Variants in CTNNA3 observed in about 807,000 individuals in gnomAD.
CTNNA3 encodes the protein catenin alpha-3.
A neutral mutation model predicts 95.7 loss-of-function variants in CTNNA3; 76 were observed. That is an observed-to-expected ratio of 0.79 (90% confidence interval 0.66 to 0.96). The LOEUF (loss-of-function observed/expected upper bound fraction) is 0.96, where lower values mean the gene tolerates loss of function less well. Among genes scored for constraint, CTNNA3 ranks in the 40% least tolerant of loss-of-function variants. CTNNA3 has a pLI of 0.00. For synonymous variants in CTNNA3, 431 were observed against 374.4 expected (o/e 1.15, Z -1.74); for missense variants, 1,191 against 1,089.8 (o/e 1.09, Z -1.31).
intron 5 of CTNNA3, among the ~76,000 whole-genome samples, chr10:67,430,535 A>AT (rs999602869): frequency 2.6e-5 from 4 of 151,350 alleles, no homozygotes; most frequent in Non-Finnish European, 3.0e-5. Flanking sequence ...AGTACCCAGA[A>AT]TTTTTTTTTA....
intron 17 of CTNNA3, among the ~76,000 whole-genome samples, chr10:65,923,201 T>A (rs992513178): frequency 6.6e-6 from 1 of 152,228 alleles, no homozygotes; most frequent in South Asian, 2.1e-4. Context: ...AAAGGGCATA[T>A]GTATATGTAA....
intron 12 of CTNNA3, among the ~76,000 whole-genome samples, chr10:66,323,036 A>G (rs932422903): frequency 6.6e-6 from 1 of 151,906 alleles, no homozygotes; most frequent in African/African-American, 2.4e-5. Flanking sequence ...AACAAACAAA[A>G]GTCAGGACTT....
chr10:67,523,901 A>G (rs1276414794), intron 4 of CTNNA3, among the ~76,000 whole-genome samples: 1 of 152,188 alleles, frequency 6.6e-6, no homozygotes, highest in Non-Finnish European at 1.5e-5. Flanking sequence ...TAAGATTCTA[A>G]AAAATTTAAG....
chr10:67,235,897 A>C (rs1321190350), intron 5 of CTNNA3, among the ~76,000 whole-genome samples: 1 of 143,998 alleles, frequency 6.9e-6, no homozygotes, highest in African/African-American at 2.7e-5. Flanking sequence ...GCAGCCAAAA[A>C]ACACATGAAA....
chr10:67,011,672 T>A (rs1852350492), intron 7 of CTNNA3, among the ~76,000 whole-genome samples: 1 of 152,208 alleles, frequency 6.6e-6, no homozygotes, highest in Admixed American at 6.5e-5. Flanking sequence ...ATGATGACGA[T>A]AGCAAATATA....
intron 6 of CTNNA3, among the ~76,000 whole-genome samples, chr10:67,207,968 G>C (rs1337078593): frequency 6.6e-6 from 1 of 152,124 alleles, no homozygotes; most frequent in East Asian, 1.9e-4. Context: ...CCAAACATTT[G>C]AGAAACATCA....
intron 5 of CTNNA3, among the ~76,000 whole-genome samples, chr10:67,414,490 A>G (rs932360862): frequency 1.3e-5 from 2 of 152,170 alleles, no homozygotes; most frequent in Non-Finnish European, 2.9e-5. Context: ...TCACACCCCA[A>G]TTCTACCAGA....
intron 6 of CTNNA3, among the ~76,000 whole-genome samples, chr10:67,198,008 T>C (rs10159934): frequency 0.36 from 55,421 of 152,030 alleles, 14,409 homozygotes; most frequent in African/African-American, 0.74. Context: ...TGATGAAAAT[T>C]TTCTGTATCT....
chr10:66,856,254 T>C (rs1271184352), intron 7 of CTNNA3, among the ~76,000 whole-genome samples: 1 of 151,964 alleles, frequency 6.6e-6, no homozygotes. Flanking sequence ...GACATGATAT[T>C]TTCTTTTATG....
chr10:66,268,163 T>C (rs1325650952), intron 13 of CTNNA3, among the ~76,000 whole-genome samples: 2 of 152,106 alleles, frequency 1.3e-5, no homozygotes, highest in African/African-American at 4.8e-5. Flanking sequence ...TCACTTTGTA[T>C]TTTCTAAAGA....
chr10:66,255,921 T>C (rs2090752292), intron 13 of CTNNA3, among the ~76,000 whole-genome samples: 1 of 152,200 alleles, frequency 6.6e-6, no homozygotes, highest in Non-Finnish European at 1.5e-5. Flanking sequence ...TTTGTGGTAT[T>C]AACTAGTTGA....
intron 7 of CTNNA3, among the ~76,000 whole-genome samples, chr10:66,979,130 A>T (rs1339740182): frequency 6.6e-6 from 1 of 151,664 alleles, no homozygotes; most frequent in Non-Finnish European, 1.5e-5. Flanking sequence ...ACACCTGGCT[A>T]ATTTAATTTT....
At chr10:66,802,822 T>C (rs1841481561) in intron 7 of CTNNA3, among the ~76,000 whole-genome samples, 2 of 151,872 alleles carry the variant, frequency 1.3e-5, no homozygotes, top group African/African-American at 4.8e-5. Flanking sequence ...CAACGATTGA[T>C]ATAGCCACGA....
intron 5 of CTNNA3, among the ~76,000 whole-genome samples, chr10:67,507,812 A>C (rs1361310860): frequency 6.6e-6 from 1 of 152,218 alleles, no homozygotes; most frequent in Non-Finnish European, 1.5e-5. Flanking sequence ...ACAAACATGC[A>C]AAACTCCTCA....
intron 13 of CTNNA3, among the ~76,000 whole-genome samples, chr10:66,184,879 T>C (rs1022755433): frequency 2.0e-5 from 3 of 152,222 alleles, no homozygotes; most frequent in African/African-American, 7.2e-5. Context: ...AGATACACCT[T>C]TATTTATCTC....
At chr10:66,606,806 T>C (rs1306138480) in intron 10 of CTNNA3, among the ~76,000 whole-genome samples, 1 of 152,016 alleles carries the variant, frequency 6.6e-6, no homozygotes, top group African/African-American at 2.4e-5. Flanking sequence ...GCACTAAATG[T>C]CCACATCAAA....
intron 7 of CTNNA3, among the ~76,000 whole-genome samples, chr10:66,917,822 G>T (rs912266334): frequency 6.6e-6 from 1 of 152,142 alleles, no homozygotes; most frequent in African/African-American, 2.4e-5. Flanking sequence ...AGTGGATATA[G>T]CAAAATGTTA....
chr10:66,865,199 G>GGTGT (rs566237511), intron 7 of CTNNA3, among the ~76,000 whole-genome samples: 25 of 138,256 alleles, frequency 1.8e-4, no homozygotes, highest in Admixed American at 1.5e-3. Flanking sequence ...ACAGGCATGG[G>GGTGT]GTGTGTGTGT....
chr10:67,558,468 G>A (rs1841339360), intron 3 of CTNNA3, among the ~76,000 whole-genome samples: 1 of 152,160 alleles, frequency 6.6e-6, no homozygotes, highest in African/African-American at 2.4e-5. Flanking sequence ...ATGTCAAAGT[G>A]TTCTGAAAAA....
Sources: gnomAD v4.1 joint callset for allele counts (sites outside exome capture counted in the v4.1 genomes callset) on GRCh38, gnomAD v4.1.1 for gene constraint, MANE v1.5 for transcripts, NCBI Gene and HGNC (gene_info 2026-07-23, HGNC 2026-07-21) for gene names.